PALLD: variants seen among roughly 807,000 people sequenced by gnomAD.
PALLD encodes the protein palladin, cytoskeletal associated protein.
In PALLD, 61 loss-of-function variants were observed where a neutral mutation model predicts 123.5. The observed-to-expected ratio is 0.49, with a 90% CI of 0.40 to 0.61. The LOEUF (loss-of-function observed/expected upper bound fraction) is 0.61. PALLD is among the 20% of genes least tolerant of loss of function. The pLI, the probability that PALLD is intolerant of heterozygous loss-of-function variation, is 0.00. For missense variants in PALLD, 1,273 were observed against 1,377.0 expected (o/e 0.92, Z 1.20); for synonymous variants, 465 against 496.4 (o/e 0.94, Z 0.84).
intron 2 of PALLD, among the ~76,000 whole-genome samples, chr4:168,629,729 A>C (rs932386893): frequency 1.3e-5 from 2 of 152,162 alleles, no homozygotes; most frequent in Admixed American, 1.3e-4. Flanking sequence ...ACGTTGGGAT[A>C]GTTCTCATTT....
At chr4:168,651,844 T>G (rs559853448) in intron 2 of PALLD, among the ~76,000 whole-genome samples, 1 of 152,302 alleles carries the variant, frequency 6.6e-6, no homozygotes, top group African/African-American at 2.4e-5. Context: ...AAATGCAAAT[T>G]TTATCTCTTA....
intron 2 of PALLD, among the ~76,000 whole-genome samples, chr4:168,566,221 C>CAGTTCTTTAAATT (rs572082493): frequency 6.6e-6 from 1 of 151,978 alleles, no homozygotes; most frequent in Non-Finnish European, 1.5e-5. Flanking sequence ...TAGATTTAGA[C>CAGTTCTTTAAATT]CTTGTTTTAA....
intron 10 of PALLD, among the ~76,000 whole-genome samples, chr4:168,742,634 T>A (rs1561470726): frequency 6.6e-6 from 1 of 152,208 alleles, no homozygotes; most frequent in African/African-American, 2.4e-5. Flanking sequence ...GTTTCCCAAC[T>A]ATGGTGAAAG....
At chr4:168,539,472 C>T (rs1251744663) in intron 2 of PALLD, among the ~76,000 whole-genome samples, 2 of 152,054 alleles carry the variant, frequency 1.3e-5, no homozygotes, top group Non-Finnish European at 2.9e-5. Flanking sequence ...CCTGTAATCC[C>T]AGCTACTCAG....
intron 3 of PALLD, among the ~76,000 whole-genome samples, chr4:168,670,765 C>CAAAAAAAAACAAAAAAAAA (rs1561375401): frequency 9.1e-6 from 1 of 109,508 alleles, no homozygotes; most frequent in Non-Finnish European, 1.8e-5. Context: ...ACAAAAAAAA[C>CAAAAAAAAACAAAAAAAAA]AAAAAAAAAC....
chr4:168,663,250 AG>A (rs1280636923), intron 2 of PALLD, among the ~76,000 whole-genome samples: 1 of 152,174 alleles, frequency 6.6e-6, no homozygotes, highest in Non-Finnish European at 1.5e-5. Context: ...TCCCAAGAGG[AG>A]GGGGCATGCC....
At chr4:168,832,393 C>G (rs1293026535) in intron 10 of PALLD, among the ~76,000 whole-genome samples, 1 of 151,836 alleles carries the variant, frequency 6.6e-6, no homozygotes, top group Non-Finnish European at 1.5e-5. Context: ...AGCGGAGCTC[C>G]AGATAGGAAT....
At position 168,532,184 on chromosome 4, in the gene PALLD, G is replaced by A. The variant is rs180887706; in HGVS notation, c.908+19772G>A. Among the ~76,000 whole-genome samples, 6 of 152,230 alleles carry A rather than the reference G, an allele frequency of 3.9e-5. No homozygotes were observed. In the East Asian group the frequency reaches 1.2e-3, roughly 29 times the overall value. Reference sequence around the variant, plus strand: ...CTTCCACTTATAAGTGAGAAGGTGCGGTATTTGGTTTTCTGCTCCTGTGCA... The same window carrying A: ...CTTCCACTTATAAGTGAGAAGGTGCAGTATTTGGTTTTCTGCTCCTGTGCA... On this transcript the variant is annotated intron_variant, in intron 2 of 21. Transcript: ENST00000505667.
At chr4:168,667,359 CT>C (rs35358767) in intron 2 of PALLD, among the ~76,000 whole-genome samples, 79,252 of 151,880 alleles carry the variant, frequency 0.52, 20,874 homozygotes, top group African/African-American at 0.56. Flanking sequence ...CTACATATTT[CT>C]TTAAAAATAA....
chr4:168,879,888 C>T (rs374898573), intron 10 of PALLD, among the ~76,000 whole-genome samples: 1 of 152,156 alleles, frequency 6.6e-6, no homozygotes, highest in Non-Finnish European at 1.5e-5. Context: ...TTTTATTTAG[C>T]TGTTAGAAAA....
intron 18 of PALLD, among the ~76,000 whole-genome samples, chr4:168,923,814 A>T (rs1726248794): frequency 6.6e-6 from 1 of 152,220 alleles, no homozygotes; most frequent in Non-Finnish European, 1.5e-5. Flanking sequence ...ATTCATGGCA[A>T]ACATGGCAAA....
chr4:168,837,386 A>G (rs1408726730), intron 10 of PALLD, among the ~76,000 whole-genome samples: 3 of 152,234 alleles, frequency 2.0e-5, no homozygotes, highest in Non-Finnish European at 4.4e-5. Flanking sequence ...AGTGAAGGTT[A>G]GTTTTTAAAT....
At position 168,690,625 on chromosome 4, in the gene PALLD, C is replaced by G. The variant is rs142714330; in HGVS notation, c.1358C>G (p.Ala453Gly). Residue 453 changes from alanine to glycine, a missense_variant, in exon 7 of 22, where the codon GCG becomes GGG. Around this residue, in one of 2 missense-constraint regions of PALLD, gnomAD observed 944 missense variants for 954.5 expected, o/e 0.99. Coordinates refer to ENST00000505667, the MANE Select transcript of PALLD (RefSeq NM_001166108.2). ...FTKELQNTAVAEGQVVVLECR... is the reference protein window; with the variant it reads ...FTKELQNTAVGEGQVVVLECR... ...CAGGAACTGCAAAACACAGCCGTGG[C>G]GGAAGGCCAGGTGGTGGTTCTGGAG... 6.2e-7 allele frequency: 1 copy of G among 1,614,154 alleles called. No individual in the cohort carries two copies. Among genetic ancestry groups the G allele is most frequent in the African/African-American group, 1.3e-5 (1 of 75,024 alleles).
chr4:168,535,401 C>T (rs1764999899), intron 2 of PALLD, among the ~76,000 whole-genome samples: 1 of 152,158 alleles, frequency 6.6e-6, no homozygotes, highest in African/African-American at 2.4e-5. Flanking sequence ...ATTCAGTATT[C>T]AAACTACAGT....
At chr4:168,634,243 A>G (rs944961214) in intron 2 of PALLD, among the ~76,000 whole-genome samples, 1 of 152,218 alleles carries the variant, frequency 6.6e-6, no homozygotes, top group African/African-American at 2.4e-5. Flanking sequence ...CGTAACACAT[A>G]TTATAAAATG....
chr4:168,633,890 C>G (rs756119013), intron 2 of PALLD, among the ~76,000 whole-genome samples: 15 of 152,232 alleles, frequency 9.9e-5, no homozygotes, highest in Non-Finnish European at 1.6e-4. Flanking sequence ...AAAGGGACAT[C>G]CAATACATTT....
Position 168,584,026 on chromosome 4 carries a change from C to T in PALLD, c.908+71614C>T, listed in dbSNP as rs115040917. Among the ~76,000 whole-genome samples, 417 of 152,216 alleles carry T rather than the reference C, an allele frequency of 2.7e-3. 2 individuals carry two copies. Among genetic ancestry groups the T allele is most frequent in the African/African-American group, 9.2e-3 (383 of 41,520 alleles). On this transcript the variant is annotated intron_variant, in intron 2 of 21. Coordinates refer to ENST00000505667, the MANE Select transcript of PALLD (RefSeq NM_001166108.2). ...GAGCATGAAACTCTGTGCGTGGGTG[C>T]ATATGAAGCTAATGAAATGGCACAT...
chr4:168,667,175 T>C (rs549692489), intron 2 of PALLD, among the ~76,000 whole-genome samples: 2 of 152,296 alleles, frequency 1.3e-5, no homozygotes, highest in Admixed American at 1.3e-4. Context: ...TGTATTATTC[T>C]ACTCTAAATA....
At chr4:168,883,018 T>A (rs960241299) in intron 10 of PALLD, among the ~76,000 whole-genome samples, 1 of 148,598 alleles carries the variant, frequency 6.7e-6, no homozygotes, top group East Asian at 2.0e-4. Context: ...TTGAACACAG[T>A]GGGTGAGGTT....
Sources: gnomAD v4.1 joint callset for allele counts (sites outside exome capture counted in the v4.1 genomes callset) on GRCh38, gnomAD v4.1.1 for gene constraint, gnomAD v4.1.1 regional missense constraint, MANE v1.5 for transcripts, NCBI Gene and HGNC (gene_info 2026-07-23, HGNC 2026-07-21) for gene names.